The following PCDHA13 variants were observed in gnomAD, a reference collection of about 807,000 sequenced individuals.
PCDHA13 encodes protocadherin alpha 13, also known as protocadherin alpha-13.
Under a neutral mutation model 64.8 loss-of-function variants are expected in PCDHA13, and 54 were observed. The ratio of observed to expected loss-of-function variants is 0.83; its 90% confidence interval spans 0.67 to 1.04. The LOEUF is 1.04. PCDHA13 is among the 50% of genes least tolerant of loss of function. PCDHA13 has a pLI of 0.00. For missense variants in PCDHA13, 1,248 were observed against 1,254.3 expected, an observed-to-expected ratio of 0.99 and a Z score of 0.08; for synonymous variants, 587 against 564.4, an observed-to-expected ratio of 1.04 and a Z score of -0.57.
intron 1 of PCDHA13, among the ~76,000 whole-genome samples, chr5:140,894,286 A>T (rs2064400911): frequency 6.6e-6 from 1 of 151,788 alleles, no homozygotes; most frequent in African/African-American, 2.4e-5. Flanking sequence ...GTATTTTTGA[A>T]GTTTATTTTC....
In PCDHA13 at chr5:140,884,801, A is replaced by AT. The variant is rs2060359948; in HGVS notation, c.2394+139_2394+140insT. 5 of 1,250,206 alleles carry AT rather than the reference A, an allele frequency of 4.0e-6. No individual in the cohort carries two copies. In the South Asian group the frequency reaches 8.8e-5, roughly 22 times the overall value. 77.4% of individuals were successfully genotyped at this position (1,250,206 alleles called of 1,614,324 possible). A position where few individuals can be genotyped will look rare whatever the true frequency, so the allele number is the denominator to read the frequency against. On this transcript the variant is annotated intron_variant, in intron 1 of 3. Coordinates refer to ENST00000289272, the MANE Select transcript of PCDHA13 (RefSeq NM_018904.3). ...TTTGCTAGTTGTTATCGAATTTAACAACTCTGCTGTGGACATTATGTGTTG... is the reference window on the plus strand; with the variant it reads ...TTTGCTAGTTGTTATCGAATTTAACATACTCTGCTGTGGACATTATGTGTTG...
chr5:140,887,043 A>G (rs1459489169), intron 1 of PCDHA13, among the ~76,000 whole-genome samples: 1 of 151,986 alleles, frequency 6.6e-6, no homozygotes, highest in Admixed American at 6.6e-5. Context: ...TATTTTTTAT[A>G]GTGCATATGT....
In PCDHA13 at chr5:140,979,026, A is replaced by AT. The variant is rs2096832382; in HGVS notation, c.2453+21dup. On this transcript the variant is annotated intron_variant, in intron 2 of 3. Coordinates refer to ENST00000289272, the MANE Select transcript of PCDHA13 (RefSeq NM_018904.3). ...TGCACAGGTATGTATTTCCCTCCTC[A>AT]TTCACTCAGAAGTAACCTTAACTTG... 1 of 1,613,372 alleles carries AT rather than the reference A, an allele frequency of 6.2e-7. No homozygotes were observed. The highest frequency in any genetic ancestry group is 1.3e-5 in the African/African-American group (1 of 74,882).
intron 1 of PCDHA13, among the ~76,000 whole-genome samples, chr5:140,971,036 G>A (rs919714179): frequency 2.0e-5 from 3 of 152,204 alleles, no homozygotes; most frequent in Non-Finnish European, 2.9e-5. Context: ...TTGAAAGCAC[G>A]TAAAAGGGTT....
In PCDHA13 at chr5:141,009,718, A is replaced by G. The variant is rs2098413942; in HGVS notation, c.2634A>G (p.Gln878=). Residue 878 remains glutamine, a synonymous_variant, in exon 4 of 4, where the codon CAA becomes CAG. Transcript: ENST00000289272. ...TFKYGPGNPK[Q]SGPGELPDKF... ...AATACGGACCAGGCAACCCCAAACA[A>G]TCCGGTCCCGGTGAGTTGCCCGACA... The G allele has an allele frequency of 1.2e-6, 2 of 1,614,044 alleles. No homozygotes were observed. The highest frequency in any genetic ancestry group is 1.1e-5 in the South Asian group (1 of 91,052).
At chr5:140,896,191 C>T (rs987655303) in intron 1 of PCDHA13, among the ~76,000 whole-genome samples, 1 of 152,184 alleles carries the variant, frequency 6.6e-6, no homozygotes, top group African/African-American at 2.4e-5. Flanking sequence ...GTGAATAGTG[C>T]CATGATGAAC....
intron 1 of PCDHA13, among the ~76,000 whole-genome samples, chr5:140,952,125 A>G (rs1027710629): frequency 6.6e-6 from 1 of 152,092 alleles, no homozygotes; most frequent in African/African-American, 2.4e-5. Context: ...TGGGCTCCCA[A>G]GGCCTTGGGA....
Position 140,884,433 on chromosome 5 carries a change from G to T in PCDHA13, c.2165G>T (p.Arg722Leu). The change falls in exon 1 of 4, where the codon CGG (arginine) becomes CTG (leucine). Residue 722 changes from arginine (R) to leucine (L), a missense_variant. Physicochemically the swap from Arg to Leu is moderately radical, Grantham distance 102. Coordinates refer to ENST00000289272, the MANE Select transcript of PCDHA13 (RefSeq NM_018904.3). ...VLTLLLYTALRCSAPPTEGAC... is the reference protein window; with the variant it reads ...VLTLLLYTALLCSAPPTEGAC... ...ACGTTGCTGCTGTATACTGCGCTGCGGTGCTCGGCACCGCCCACCGAGGGC... is the reference window on the plus strand; with the variant it reads ...ACGTTGCTGCTGTATACTGCGCTGCTGTGCTCGGCACCGCCCACCGAGGGC... The T allele has an allele frequency of 6.2e-7, 1 of 1,613,908 alleles. No individual in the cohort carries two copies. Among genetic ancestry groups the T allele is most frequent in the Admixed American group, 1.7e-5 (1 of 60,018 alleles).
chr5:141,011,247 G>A lies in PCDHA13; in HGVS notation c.*1310G>A, dbSNP rs1554263390. On this transcript the variant is annotated 3_prime_UTR_variant, in exon 4 of 4. Transcript: ENST00000289272. The stretch of plus-strand genomic sequence containing the variant: ...TCTACTAATTCTGTGACTTGTCTTG[G>A]TGTGCTAGCCTACACCTTCTCTTTG... The A allele has an allele frequency of 2.0e-5, 3 of 153,772 alleles. No individual in the cohort carries two copies. The highest frequency in any genetic ancestry group is 7.2e-5 in the African/African-American group (3 of 41,538). The allele number at this position is 153,772 out of a possible 1,614,324, so 9.5% of individuals were successfully genotyped here.
chr5:140,896,465 C>A (rs967658819), intron 1 of PCDHA13, among the ~76,000 whole-genome samples: 2 of 151,988 alleles, frequency 1.3e-5, no homozygotes, highest in Non-Finnish European at 2.9e-5. Flanking sequence ...TGGGTTCAAG[C>A]GGTTCTCCTG....
chr5:140,905,231 A>G (rs2071692761), intron 1 of PCDHA13, among the ~76,000 whole-genome samples: 1 of 152,180 alleles, frequency 6.6e-6, no homozygotes, highest in African/African-American at 2.4e-5. Flanking sequence ...AGAGATGAGG[A>G]TCCAGTTTCA....
chr5:140,893,781 G>A (rs113070458), intron 1 of PCDHA13, among the ~76,000 whole-genome samples: 3 of 151,996 alleles, frequency 2.0e-5, no homozygotes, highest in African/African-American at 4.8e-5. Flanking sequence ...TTCTTTTACC[G>A]TTTTTAGAAT....
intron 1 of PCDHA13, among the ~76,000 whole-genome samples, chr5:140,978,243 C>T (rs2096793691): frequency 6.6e-6 from 1 of 152,170 alleles, no homozygotes; most frequent in South Asian, 2.1e-4. Context: ...ATTTCAGCTA[C>T]TCCCTGTTAA....
intron 1 of PCDHA13, among the ~76,000 whole-genome samples, chr5:140,892,860 T>C (rs1554185404): frequency 6.6e-6 from 1 of 152,158 alleles, no homozygotes; most frequent in Non-Finnish European, 1.5e-5. Flanking sequence ...ATTCCTCCTG[T>C]GTAGCTATAA....
chr5:140,957,763 T>C (rs1375605810), intron 1 of PCDHA13, among the ~76,000 whole-genome samples: 1 of 152,100 alleles, frequency 6.6e-6, no homozygotes, highest in Non-Finnish European at 1.5e-5. Context: ...TCATTATATA[T>C]GTTAAGTAAA....
chr5:140,902,599 G>A (rs981296505), intron 1 of PCDHA13, among the ~76,000 whole-genome samples: 14 of 152,024 alleles, frequency 9.2e-5, no homozygotes, highest in Admixed American at 3.3e-4. Flanking sequence ...GAAACAGGTC[G>A]TTTTCAGTTA....
intron 1 of PCDHA13, among the ~76,000 whole-genome samples, chr5:140,906,517 TACTC>T (rs2072719927): frequency 2.0e-5 from 3 of 152,358 alleles, no homozygotes; most frequent in Admixed American, 6.5e-5. Context: ...AAGGAGGAAA[TACTC>T]ACGACAATTA....
chr5:140,930,591 CAT>C (rs1554207939), intron 1 of PCDHA13: 1 of 152,406 alleles, frequency 6.6e-6, no homozygotes, highest in African/African-American at 2.4e-5. Flanking sequence ...TTTGACTTCT[CAT>C]AGAAATCCTA....
intron 1 of PCDHA13, chr5:140,926,750 G>C (rs2083528007): frequency 8.0e-7 from 1 of 1,256,516 alleles, no homozygotes; most frequent in Non-Finnish European, 1.0e-6. Flanking sequence ...AACGTCGGCG[G>C]TCGCTGAGTA....
Sources: allele counts gnomAD v4.1 joint callset (sites outside exome capture counted in the v4.1 genomes callset), GRCh38; gene constraint gnomAD v4.1.1; transcripts MANE v1.5; gene names NCBI Gene and HGNC (gene_info 2026-07-23, HGNC 2026-07-21).